The following ZNF700 variants were observed in gnomAD, a reference collection of about 807,000 sequenced individuals.
The protein encoded by ZNF700 is zinc finger protein 700.
In ZNF700, 38 loss-of-function variants were observed where a neutral mutation model predicts 65.3. That is an observed-to-expected ratio of 0.58 (90% CI 0.45 to 0.76). ZNF700 has a LOEUF of 0.76. Among genes scored for constraint, ZNF700 ranks in the 30% least tolerant of loss-of-function variants. ZNF700 has a pLI of 0.00. For synonymous variants in ZNF700, 285 were observed against 290.4 expected (o/e 0.98, Z 0.19); for missense variants, 857 against 888.4 (o/e 0.96, Z 0.45).
intron 3 of ZNF700, 56 bp from the exon 4 acceptor site, chr19:11,948,220 T>A: frequency 6.4e-7 from 1 of 1,559,736 alleles, no homozygotes; most frequent in Non-Finnish European, 8.7e-7. Context: ...ACTTGTTGAT[T>A]AATATAGAAG....
intron 1 of ZNF700, among the ~76,000 whole-genome samples, chr19:11,930,455 G>T (rs1013520237): frequency 6.7e-6 from 1 of 148,290 alleles, no homozygotes; most frequent in Non-Finnish European, 1.5e-5. Flanking sequence ...TGTTGAGTTT[G>T]AGTAAAGTTT....
rs1304516924 is a variant in ZNF700, at chr19:11,947,681, TTTC to T, written c.251+113_251+115del. 4 of 1,117,696 alleles carry T rather than the reference TTTC, an allele frequency of 3.6e-6. 1 individual carries two copies. The African/African-American group carries it at 6.3e-5, about 18-fold the overall frequency. The allele number at this position is 1,117,696 out of a possible 1,614,324, so 69.2% of individuals were successfully genotyped here. Reference sequence around the variant, plus strand: ...AGAACTAAATCCAGCATCAAATTCATTTCTTCTTAGAATATTTTCTCAAAAAAC... The same window carrying T: ...AGAACTAAATCCAGCATCAAATTCATTTCTTAGAATATTTTCTCAAAAAAC... On this transcript the variant is annotated intron_variant, in intron 3 of 3. Transcript: ENST00000254321.
In ZNF700 at chr19:11,949,550, A is replaced by G; in HGVS notation, c.1526A>G (p.Lys509Arg). The G allele has an allele frequency of 6.2e-7, 1 of 1,611,078 alleles. No individual in the cohort carries two copies. Among genetic ancestry groups the G allele is most frequent in the Non-Finnish European group, 8.5e-7 (1 of 1,179,408 alleles). ...IRMPSGERPYKCSICEKGFYS... is the reference protein window; with the variant it reads ...IRMPSGERPYRCSICEKGFYS... The stretch of plus-strand genomic sequence containing the variant: ...ATGCCCTCTGGAGAAAGACCTTATA[A>G]ATGTAGTATATGTGAGAAAGGCTTT... Residue 509 changes from lysine (K) to arginine (R), a missense_variant, in exon 4 of 4, where the codon AAA becomes AGA. Coordinates refer to ENST00000254321, the MANE Select transcript of ZNF700 (RefSeq NM_144566.3).
At chr19:11,938,095 G>A (rs1330293836) in intron 1 of ZNF700, among the ~76,000 whole-genome samples, 1 of 151,860 alleles carries the variant, frequency 6.6e-6, no homozygotes, top group Non-Finnish European at 1.5e-5. Flanking sequence ...TGGAGACGGA[G>A]TCTCACTCTG....
chr19:11,939,095 TGTTTAA>T (rs1053321862), intron 1 of ZNF700, among the ~76,000 whole-genome samples: 5 of 152,248 alleles, frequency 3.3e-5, no homozygotes, highest in Non-Finnish European at 5.9e-5. Flanking sequence ...CTTGTAAATT[TGTTTAA>T]GTTCTTTGTA....
intron 1 of ZNF700, among the ~76,000 whole-genome samples, chr19:11,943,318 C>A (rs1467839418): frequency 6.6e-6 from 1 of 152,146 alleles, no homozygotes; most frequent in East Asian, 1.9e-4. Context: ...ATAGACCCCT[C>A]CTTTAGCTGC....
At position 11,950,580 on chromosome 19, in the gene ZNF700, C is replaced by A; in HGVS notation, c.*327C>A. 1 of 503,822 alleles carries A rather than the reference C, an allele frequency of 2.0e-6. No homozygotes were observed. 31.2% of individuals were successfully genotyped at this position (503,822 alleles called of 1,614,324 possible). Reference sequence around the variant, plus strand: ...CTTCAGATGTGCCTCGCACCTTCAACGGCATGGAAGGGTTCACACTTGGGA... The same window carrying A: ...CTTCAGATGTGCCTCGCACCTTCAAAGGCATGGAAGGGTTCACACTTGGGA... On this transcript the variant is annotated 3_prime_UTR_variant, in exon 4 of 4. Transcript: ENST00000254321.
intron 1 of ZNF700, among the ~76,000 whole-genome samples, chr19:11,936,258 G>C (rs560537464): frequency 6.6e-6 from 1 of 152,110 alleles, no homozygotes; most frequent in African/African-American, 2.4e-5. Flanking sequence ...TTGAGGAATC[G>C]CCACACTGTC....
At chr19:11,944,986 C>G (rs551609331) in intron 1 of ZNF700, among the ~76,000 whole-genome samples, 1 of 152,244 alleles carries the variant, frequency 6.6e-6, no homozygotes, top group Non-Finnish European at 1.5e-5. Flanking sequence ...CCTGTCCTCC[C>G]TCTGCCTGGA....
chr19:11,942,372 A>G (rs113272967), intron 1 of ZNF700, among the ~76,000 whole-genome samples: 5 of 151,922 alleles, frequency 3.3e-5, no homozygotes, highest in African/African-American at 7.3e-5. Context: ...CTATTAATTC[A>G]TAGGACTCCG....
chr19:11,929,484 C>T (rs1306736495), intron 1 of ZNF700, among the ~76,000 whole-genome samples: 17 of 148,256 alleles, frequency 1.1e-4, no homozygotes, highest in Non-Finnish European at 1.5e-5. Flanking sequence ...TTCAAACAGC[C>T]TATGTAGGTA....
chr19:11,935,169 C>G (rs1226991200), intron 1 of ZNF700, among the ~76,000 whole-genome samples: 5 of 136,110 alleles, frequency 3.7e-5, no homozygotes, highest in African/African-American at 1.2e-4. Context: ...GAGCGAGACT[C>G]CGTCTCAAAA....
At position 11,931,030 on chromosome 19, in the gene ZNF700, G is replaced by A. The variant is rs917362181; in HGVS notation, c.63+5757G>A. 2.7e-5 allele frequency among the ~76,000 whole-genome samples: 4 copies of A among 146,386 alleles called. 1 individual carries two copies. The highest frequency in any genetic ancestry group is 5.9e-5 in the Non-Finnish European group (4 of 67,606). On this transcript the variant is annotated intron_variant, in intron 1 of 3. Coordinates refer to ENST00000254321, the MANE Select transcript of ZNF700 (RefSeq NM_144566.3). Reference sequence around the variant, plus strand: ...AAAAAAAAACAACATAGATGCCCTCGTTTCACAATTTGCTGTTTTCCATTG... The same window carrying A: ...AAAAAAAAACAACATAGATGCCCTCATTTCACAATTTGCTGTTTTCCATTG...
intron 1 of ZNF700, among the ~76,000 whole-genome samples, chr19:11,932,838 C>T (rs1440061628): frequency 2.0e-5 from 3 of 147,550 alleles, no homozygotes; most frequent in Non-Finnish European, 4.4e-5. Flanking sequence ...GGGGTTTCAC[C>T]GTGTTAGCCA....
At chr19:11,943,487 C>CT (rs955119292) in intron 1 of ZNF700, among the ~76,000 whole-genome samples, 1 of 151,920 alleles carries the variant, frequency 6.6e-6, no homozygotes, top group East Asian at 1.9e-4. Flanking sequence ...ATGGGGGTCT[C>CT]TTTTTTTTCT....
In ZNF700 at chr19:11,934,558, CT is replaced by C. The variant is rs1257752839; in HGVS notation, c.63+9289del. Among the ~76,000 whole-genome samples the C allele has an allele frequency of 6.1e-5, 9 of 147,622 alleles. 1 individual carries two copies. Among genetic ancestry groups the C allele is most frequent in the African/African-American group, 2.4e-4 (9 of 37,596 alleles). ...TTGTTTGTTTGGAGATGCAGTTTCG[CT>C]TTTGTTTCCCTGGCTGGAGTGCAAT... On this transcript the variant is annotated intron_variant, in intron 1 of 3. Transcript: ENST00000254321.
intron 1 of ZNF700, among the ~76,000 whole-genome samples, chr19:11,929,873 T>C (rs1286084476): frequency 2.0e-5 from 3 of 148,406 alleles, no homozygotes; most frequent in Non-Finnish European, 4.4e-5. Context: ...CTGCCTCTCC[T>C]CCTTTTATCT....
rs1350262216 is a variant in ZNF700, at chr19:11,929,307, A to T, written c.63+4034A>T. Among the ~76,000 whole-genome samples, 6 of 148,030 alleles carry T rather than the reference A, an allele frequency of 4.1e-5. No individual in the cohort carries two copies. The East Asian group carries it at 1.2e-3, about 29-fold the overall frequency. ...GCCTCCCAAGTAGTTGGGATTACAG[A>T]CATGTGCCACCACACTCAGCTGATT... On this transcript the variant is annotated intron_variant, in intron 1 of 3. Coordinates refer to ENST00000254321, the MANE Select transcript of ZNF700 (RefSeq NM_144566.3).
At chr19:11,932,956 T>C (rs1972737523) in intron 1 of ZNF700, among the ~76,000 whole-genome samples, 1 of 148,590 alleles carries the variant, frequency 6.7e-6, no homozygotes, top group Non-Finnish European at 1.5e-5. Context: ...TATTTTATAT[T>C]GGATTTTATT....
Sources: gnomAD v4.1 joint callset for allele counts (sites outside exome capture counted in the v4.1 genomes callset) on GRCh38, gnomAD v4.1.1 for gene constraint, MANE v1.5 for transcripts, NCBI Gene and HGNC (gene_info 2026-07-23, HGNC 2026-07-21) for gene names.